The following CELF1 variants were observed in gnomAD, a reference collection of about 807,000 sequenced individuals.
The protein encoded by CELF1 is CUGBP Elav-like family member 1, also known as 50 kDa nuclear polyadenylated RNA-binding protein.
CELF1 carries 10 observed loss-of-function variants against 61.8 expected under a neutral mutation model. The observed-to-expected ratio is 0.16, with a 90% confidence interval of 0.10 to 0.27. The LOEUF is 0.27. CELF1 is among the 10% of genes least tolerant of loss of function. The pLI, the probability that CELF1 is intolerant of heterozygous loss-of-function variation, is 1.00. For synonymous variants in CELF1, 236 were observed against 225.1 expected, an observed-to-expected ratio of 1.05 and a Z score of -0.43; for missense variants, 380 against 639.1, an observed-to-expected ratio of 0.59 and a Z score of 4.37.
intron 2 of CELF1, among the ~76,000 whole-genome samples, chr11:47,560,876 C>T (rs1356042884): frequency 3.3e-5 from 5 of 152,176 alleles, no homozygotes; most frequent in African/African-American, 4.8e-5. Flanking sequence ...CAGTGGCTCA[C>T]GCCTGTAAGC....
chr11:47,485,746 TA>T (rs1259358618), intron 6 of CELF1, among the ~76,000 whole-genome samples: 1 of 151,524 alleles, frequency 6.6e-6, no homozygotes, highest in Non-Finnish European at 1.5e-5. Context: ...CACACTCAGC[TA>T]ATTTTTGTAT....
intron 1 of CELF1, among the ~76,000 whole-genome samples, chr11:47,547,065 CAAAAAAAAAAAAAAA>C (rs61222771): frequency 7.5e-5 from 3 of 39,972 alleles, no homozygotes; most frequent in South Asian, 1.6e-3. Flanking sequence ...AACTCCACCT[CAAAAAAAAAAAAAAA>C]AAAAAAAAAA....
At chr11:47,500,978 C>A (rs1202036745) in intron 1 of CELF1, 46 bp from the exon 2 acceptor site, 16 of 395,730 alleles carry the variant, frequency 4.0e-5, no homozygotes, top group Non-Finnish European at 6.7e-5. Context: ...ACAGAGTTAA[C>A]GTTAAAAAAA....
intron 1 of CELF1, among the ~76,000 whole-genome samples, chr11:47,510,777 C>T (rs1043711057): frequency 5.9e-5 from 9 of 152,112 alleles, no homozygotes; most frequent in Non-Finnish European, 1.2e-4. Context: ...TGCAAGCCCC[C>T]GCATCTGGCC....
intron 1 of CELF1, among the ~76,000 whole-genome samples, chr11:47,552,448 T>G (rs1434686817): frequency 6.6e-6 from 1 of 151,914 alleles, no homozygotes; most frequent in Admixed American, 6.6e-5. Context: ...GCACCTGATG[T>G]GGGGGGAGGG....
intron 2 of CELF1, among the ~76,000 whole-genome samples, chr11:47,562,070 T>C (rs2097227373): frequency 6.6e-6 from 1 of 151,290 alleles, no homozygotes; most frequent in Admixed American, 6.6e-5. Context: ...CTACTAAAAA[T>C]ACAAAATTAG....
At chr11:47,552,509 C>A (rs1367327634) in intron 1 of CELF1, among the ~76,000 whole-genome samples, 3 of 152,236 alleles carry the variant, frequency 2.0e-5, no homozygotes, top group Non-Finnish European at 2.9e-5. Context: ...GCTCTCGAGG[C>A]TCGGGAAAAG....
At chr11:47,564,169 T>TAAAAAAAAAA (rs2097236176) in intron 2 of CELF1, among the ~76,000 whole-genome samples, 1 of 26,432 alleles carries the variant, frequency 3.8e-5, no homozygotes, top group African/African-American at 1.6e-4. Context: ...CTACTAAAAA[T>TAAAAAAAAAA]ACAAAAAAAA....
At chr11:47,563,020 C>A (rs1413134654) in intron 2 of CELF1, among the ~76,000 whole-genome samples, 2 of 152,024 alleles carry the variant, frequency 1.3e-5, no homozygotes, top group Non-Finnish European at 2.9e-5. Context: ...GTCCCGAGAT[C>A]AGTTTGGGCA....
At chr11:47,482,544 G>T in intron 9 of CELF1, 151 bp downstream of exon 9, 1 of 627,458 alleles carries the variant, frequency 1.6e-6, no homozygotes, top group Non-Finnish European at 2.7e-6. Context: ...AGACTAACAG[G>T]ACTAAAAGAA....
intron 7 of CELF1, 48 bp downstream of exon 7, chr11:47,484,341 A>C (rs1235242232): frequency 6.3e-7 from 1 of 1,585,786 alleles, no homozygotes; most frequent in East Asian, 2.2e-5. Flanking sequence ...CCCCAAACCA[A>C]ACCAAAACAA....
intron 1 of CELF1, among the ~76,000 whole-genome samples, chr11:47,541,398 G>A (rs960175306): frequency 6.6e-6 from 1 of 152,024 alleles, no homozygotes; most frequent in Admixed American, 6.6e-5. Context: ...CTATGAAAAT[G>A]GAAACTACTT....
At chr11:47,506,311 C>T (rs1281603937) in intron 1 of CELF1, among the ~76,000 whole-genome samples, 3 of 150,918 alleles carry the variant, frequency 2.0e-5, no homozygotes, top group African/African-American at 4.9e-5. Flanking sequence ...CTGTTAATCC[C>T]AGCTACTCGG....
intron 1 of CELF1, among the ~76,000 whole-genome samples, chr11:47,507,241 T>C (rs2094579390): frequency 6.6e-6 from 1 of 152,254 alleles, no homozygotes; most frequent in African/African-American, 2.4e-5. Context: ...ACAATCATTT[T>C]TAACATCTGC....
rs2096246751 is a variant in CELF1 at position 47,526,451 on chromosome 11, T to C, written c.-153-25519A>G. 2.0e-5 allele frequency among the ~76,000 whole-genome samples: 3 copies of C among 152,226 alleles called. No homozygotes were observed. The South Asian group carries it at 6.2e-4, about 32-fold the overall frequency. ...TTTCAACCTGAAATGTTTCATAGTA[T>C]GAGATTAATACCACACTGCTTATGG... On this transcript the variant is annotated intron_variant, in intron 1 of 14. Transcript: ENST00000687097.
intron 1 of CELF1, among the ~76,000 whole-genome samples, chr11:47,548,527 G>A (rs762292354): frequency 6.6e-6 from 1 of 152,070 alleles, no homozygotes; most frequent in Admixed American, 6.6e-5. Context: ...ATTACAGAAT[G>A]GGAGAAAATA....
intron 1 of CELF1, among the ~76,000 whole-genome samples, chr11:47,501,195 T>C (rs1476267569): frequency 1.3e-5 from 2 of 152,190 alleles, no homozygotes; most frequent in Non-Finnish European, 2.9e-5. Context: ...TCTGATTTAC[T>C]ACTATAGAGG....
chr11:47,545,138 C>T (rs1379613989), intron 1 of CELF1, among the ~76,000 whole-genome samples: 1 of 151,998 alleles, frequency 6.6e-6, no homozygotes, highest in African/African-American at 2.4e-5. Flanking sequence ...AATAAAAATA[C>T]AAAAATTAAG....
At chr11:47,532,038 T>A (rs1339511956) in intron 1 of CELF1, among the ~76,000 whole-genome samples, 1 of 151,868 alleles carries the variant, frequency 6.6e-6, no homozygotes, top group Non-Finnish European at 1.5e-5. Context: ...TATTTTTATT[T>A]TTTTTTTTTT....
Sources: allele counts gnomAD v4.1 joint callset (sites outside exome capture counted in the v4.1 genomes callset), GRCh38; gene constraint gnomAD v4.1.1; transcripts MANE v1.5; gene names NCBI Gene and HGNC (gene_info 2026-07-23, HGNC 2026-07-21).